Variants in NFYA observed in about 807,000 individuals in gnomAD.
The protein encoded by NFYA is CAAT-box DNA binding protein subunit A.
Under a neutral mutation model 52.8 loss-of-function variants are expected in NFYA, and 28 were observed. The observed-to-expected ratio is 0.53, with a 90% confidence interval of 0.39 to 0.73. The LOEUF (loss-of-function observed/expected upper bound fraction) is 0.73, where lower values mean the gene tolerates loss of function less well. NFYA is among the 30% of genes least tolerant of loss of function. NFYA has a pLI of 0.00. For synonymous variants in NFYA, 150 were observed against 150.7 expected (o/e 1.00, Z 0.03); for missense variants, 234 against 427.0 (o/e 0.55, Z 3.98).
At chr6:41,096,835 C>A (rs554399133) in intron 9 of NFYA, among the ~76,000 whole-genome samples, 2 of 152,320 alleles carry the variant, frequency 1.3e-5, no homozygotes, top group East Asian at 3.9e-4. Context: ...TGCTGGACTC[C>A]TAACTTTCTG....
chr6:41,089,907 C>T (rs1764155670), intron 5 of NFYA, among the ~76,000 whole-genome samples, 197 bp downstream of exon 5: 1 of 152,120 alleles, frequency 6.6e-6, no homozygotes, highest in Non-Finnish European at 1.5e-5. Flanking sequence ...ATCACAAGGT[C>T]AAGAGATCAA....
In NFYA at chr6:41,081,283, A is replaced by C. The variant is rs191237473; in HGVS notation, c.162+386A>C. The stretch of plus-strand genomic sequence containing the variant: ...GGCAGGCGGATCACGAGGTCAGGAG[A>C]TCGAGACCATCCTGGCAAACATGGT... On this transcript the variant is annotated intron_variant, in intron 3 of 9. Coordinates refer to ENST00000341376, the MANE Select transcript of NFYA (RefSeq NM_002505.5). Among the ~76,000 whole-genome samples, 247 of 152,126 alleles carry C rather than the reference A, an allele frequency of 1.6e-3. 1 individual carries two copies. Among genetic ancestry groups the C allele is most frequent in the Middle Eastern group, 0.01 (3 of 294 alleles).
chr6:41,095,883 C>T (rs1319300259), intron 9 of NFYA, among the ~76,000 whole-genome samples: 2 of 152,188 alleles, frequency 1.3e-5, no homozygotes, highest in Non-Finnish European at 2.9e-5. Context: ...TATTTAAGTA[C>T]TGACTTAGAT....
rs932091653 is a variant in NFYA, at chr6:41,099,736, A to G, written c.*2326A>G. On this transcript the variant is annotated 3_prime_UTR_variant, in exon 10 of 10. Transcript: ENST00000341376. ...GAGTGCTTTTTTTTTTTTTTGCAGGATAATTTTAAGTGTATATATTTTAAC... is the reference window on the plus strand; with the variant it reads ...GAGTGCTTTTTTTTTTTTTTGCAGGGTAATTTTAAGTGTATATATTTTAAC... The G allele has an allele frequency of 1.4e-4, 20 of 147,026 alleles. No individual in the cohort carries two copies. The highest frequency in any genetic ancestry group is 2.7e-4 in the Non-Finnish European group (18 of 66,974). The allele number at this position is 147,026 out of a possible 1,614,324, so 9.1% of individuals were successfully genotyped here.
At chr6:41,078,672 TAAA>T (rs1180378467) in intron 1 of NFYA, among the ~76,000 whole-genome samples, 1 of 152,220 alleles carries the variant, frequency 6.6e-6, no homozygotes, top group East Asian at 1.9e-4. Flanking sequence ...TGTTACAACT[TAAA>T]GAAGCTTTAT....
chr6:41,085,441 G>C (rs1764019433), intron 4 of NFYA, among the ~76,000 whole-genome samples: 1 of 152,084 alleles, frequency 6.6e-6, no homozygotes, highest in South Asian at 2.1e-4. Context: ...ATTTTTAGTG[G>C]AAATAATTTG....
Position 41,100,165 on chromosome 6 carries a change from G to A in NFYA, c.*2755G>A, listed in dbSNP as rs953096435. On this transcript the variant is annotated 3_prime_UTR_variant, in exon 10 of 10. Transcript: ENST00000341376. Reference sequence around the variant, plus strand: ...TCTTCCCTTTTGGCCCTTCCACCCTGTTGAGGAGATTTTTTCTGTCACCTG... The same window carrying A: ...TCTTCCCTTTTGGCCCTTCCACCCTATTGAGGAGATTTTTTCTGTCACCTG... Among the ~76,000 whole-genome samples, 1 of 152,030 alleles carries A rather than the reference G, an allele frequency of 6.6e-6. No homozygotes were observed. Among genetic ancestry groups the A allele is most frequent in the Non-Finnish European group, 1.5e-5 (1 of 68,022 alleles).
intron 4 of NFYA, among the ~76,000 whole-genome samples, chr6:41,087,062 A>T (rs1352978352): frequency 6.6e-6 from 1 of 152,212 alleles, no homozygotes; most frequent in Non-Finnish European, 1.5e-5. Context: ...CCGAGTTTGT[A>T]TTCAGAATAT....
At position 41,089,264 on chromosome 6, in the gene NFYA, G is replaced by A. The variant is rs111869791; in HGVS notation, c.310-315G>A. Among the ~76,000 whole-genome samples, 313 of 152,276 alleles carry A rather than the reference G, an allele frequency of 2.1e-3. 2 individuals are homozygous for A. Among genetic ancestry groups the A allele is most frequent in the African/African-American group, 7.1e-3 (293 of 41,558 alleles). On this transcript the variant is annotated intron_variant, in intron 4 of 9. Transcript: ENST00000341376. ...CTTCCAAAGTGCAAGGATTACAGGC[G>A]TGAGCCACCACACCCAGCCCAGAGT...
chr6:41,083,122 T>A (rs1001372165), intron 3 of NFYA, among the ~76,000 whole-genome samples: 1 of 152,230 alleles, frequency 6.6e-6, no homozygotes, highest in Non-Finnish European at 1.5e-5. Flanking sequence ...TTTGGACTAT[T>A]CCATGGATCA....
In NFYA at chr6:41,076,620, A is replaced by G. The variant is rs1380055100; in HGVS notation, c.-61-2409A>G. 2.6e-5 allele frequency among the ~76,000 whole-genome samples: 4 copies of G among 152,218 alleles called. No homozygotes were observed. The East Asian group carries it at 7.7e-4, about 29-fold the overall frequency. On this transcript the variant is annotated intron_variant, in intron 1 of 9. Coordinates refer to ENST00000341376, the MANE Select transcript of NFYA (RefSeq NM_002505.5). ...CAAAGAGAATTGCACTGAGAAGAGA[A>G]TGCACTAGGAAGAGAATTTTCATGC...
intron 4 of NFYA, among the ~76,000 whole-genome samples, chr6:41,084,768 G>C (rs1449367764): frequency 1.3e-5 from 2 of 152,196 alleles, no homozygotes; most frequent in Non-Finnish European, 2.9e-5. Flanking sequence ...TTCAAGACCA[G>C]CCTGGCCAAC....
At chr6:41,077,162 G>T (rs1763757230) in intron 1 of NFYA, among the ~76,000 whole-genome samples, 2 of 152,138 alleles carry the variant, frequency 1.3e-5, no homozygotes, top group Non-Finnish European at 2.9e-5. Flanking sequence ...AAGGAAATTT[G>T]GAGTTGGGGA....
At chr6:41,084,448 T>C (rs1394418292) in intron 4 of NFYA, among the ~76,000 whole-genome samples, 2 of 152,184 alleles carry the variant, frequency 1.3e-5, no homozygotes, top group East Asian at 1.9e-4. Context: ...TAGAATCTAG[T>C]TTATAGTATA....
At chr6:41,075,614 CTT>C (rs1378366218) in intron 1 of NFYA, 2 of 152,004 alleles carry the variant, frequency 1.3e-5, no homozygotes, top group East Asian at 3.9e-4. Context: ...TTTATGCTCT[CTT>C]GATTTGTAGT....
At chr6:41,083,283 C>G (rs537992196) in intron 3 of NFYA, among the ~76,000 whole-genome samples, 16 of 152,338 alleles carry the variant, frequency 1.1e-4, no homozygotes, top group Non-Finnish European at 1.6e-4. Flanking sequence ...AATTTGTACA[C>G]TTGACTGCTC....
At chr6:41,094,198 T>TA (rs1262147289) in intron 8 of NFYA, among the ~76,000 whole-genome samples, 198 bp from the exon 9 acceptor site, 1 of 152,164 alleles carries the variant, frequency 6.6e-6, no homozygotes, top group Non-Finnish European at 1.5e-5. Flanking sequence ...TTCACAGTCT[T>TA]ACAGTAGTTA....
In NFYA at chr6:41,100,320, T is replaced by C. The variant is rs1764464466; in HGVS notation, c.*2910T>C. 6.6e-6 allele frequency among the ~76,000 whole-genome samples: 1 copy of C among 152,234 alleles called. No homozygotes were observed. Among genetic ancestry groups the C allele is most frequent in the South Asian group, 2.1e-4 (1 of 4,834 alleles). On this transcript the variant is annotated 3_prime_UTR_variant, in exon 10 of 10. Coordinates refer to ENST00000341376, the MANE Select transcript of NFYA (RefSeq NM_002505.5). ...ATTGTAGAATTTCAGGTAGTGAAGATGTACTATTTACGTTTTGTTAGATTT... is the reference window on the plus strand; with the variant it reads ...ATTGTAGAATTTCAGGTAGTGAAGACGTACTATTTACGTTTTGTTAGATTT...
chr6:41,084,001 T>C lies in NFYA; in HGVS notation c.163-45T>C, dbSNP rs140705580. ...TGATTGTCTTTTGGTAAAAACCATT[T>C]TGTGTCTTATGTTATTTCATTGTTC... On this transcript the variant is annotated intron_variant, in intron 3 of 9. Coordinates refer to ENST00000341376, the MANE Select transcript of NFYA (RefSeq NM_002505.5). 1.8e-4 allele frequency: 271 copies of C among 1,526,694 alleles called. 1 individual carries two copies. In the East Asian group the frequency reaches 5.1e-3, roughly 29 times the overall value. The allele number at this position is 1,526,694 out of a possible 1,614,324, so 94.6% of individuals were successfully genotyped here.
Sources: gnomAD v4.1 joint callset for allele counts (sites outside exome capture counted in the v4.1 genomes callset) on GRCh38, gnomAD v4.1.1 for gene constraint, MANE v1.5 for transcripts, NCBI Gene and HGNC (gene_info 2026-07-23, HGNC 2026-07-21) for gene names.